The following DACH2 variants were observed in gnomAD, a reference collection of about 807,000 sequenced individuals.
DACH2 encodes the protein dachshund family transcription factor 2.
In DACH2, 17 loss-of-function variants were observed where a neutral mutation model predicts 35.8. The observed-to-expected ratio is 0.48, with a 90% CI of 0.33 to 0.71. The LOEUF is 0.71. DACH2 is among the 30% of genes least tolerant of loss of function. DACH2 has a pLI of 0.02. For missense variants in DACH2, 469 were observed against 472.7 expected (o/e 0.99, Z 0.07); for synonymous variants, 195 against 177.3 (o/e 1.10, Z -0.79).
At chrX:86,492,685 T>C (rs1313391998) in intron 2 of DACH2, among the ~76,000 whole-genome samples, 1 of 111,875 alleles carries the variant, frequency 8.9e-6, no homozygotes, top group Non-Finnish European at 1.9e-5. Flanking sequence ...CTCTCACTTA[T>C]AAGTGAGAAC....
chrX:86,153,681 A>G (rs909521543), intron 1 of DACH2, among the ~76,000 whole-genome samples: 2 of 111,766 alleles, frequency 1.8e-5, no homozygotes, highest in Non-Finnish European at 3.8e-5. Flanking sequence ...ATTGTCTGTT[A>G]AAAGCAGCCA....
chrX:86,782,436 A>G (rs1295176677), intron 7 of DACH2, among the ~76,000 whole-genome samples: 1 of 111,771 alleles, frequency 8.9e-6, no homozygotes, highest in East Asian at 2.8e-4. Flanking sequence ...TAAGTTTGTA[A>G]GAACTTAATT....
intron 3 of DACH2, among the ~76,000 whole-genome samples, chrX:86,541,726 A>G (rs2038884916): frequency 8.9e-6 from 1 of 111,751 alleles, no homozygotes; most frequent in African/African-American, 3.2e-5. Context: ...AATAGTATAC[A>G]TTATCTTATT....
At chrX:86,384,277 C>G in intron 2 of DACH2, among the ~76,000 whole-genome samples, 1 of 111,142 alleles carries the variant, frequency 9.0e-6, no homozygotes, top group Non-Finnish European at 1.9e-5. Context: ...GTGACATTTT[C>G]TAAAATTGTA....
chrX:86,656,581 A>G (rs1468626804), intron 4 of DACH2, among the ~76,000 whole-genome samples: 2 of 109,699 alleles, frequency 1.8e-5, no homozygotes, highest in East Asian at 5.8e-4. Context: ...ATAGAGATGC[A>G]GCTGATAAAG....
intron 1 of DACH2, among the ~76,000 whole-genome samples, chrX:86,308,808 A>G (rs192021671): frequency 8.3e-4 from 93 of 111,583 alleles, no homozygotes; most frequent in African/African-American, 2.9e-3. Context: ...ATTCCAGGCA[A>G]CTCATAATGT....
chrX:86,671,289 C>T (rs1003899775), intron 4 of DACH2, among the ~76,000 whole-genome samples: 33 of 111,927 alleles, frequency 2.9e-4, no homozygotes, highest in Admixed American at 6.6e-4. Flanking sequence ...GATATTGCAA[C>T]GAAAGGTATT....
At chrX:86,402,326 C>T (rs148929404) in intron 2 of DACH2, among the ~76,000 whole-genome samples, 1,458 of 111,789 alleles carry the variant, frequency 0.013, 31 homozygotes, top group African/African-American at 0.045. Flanking sequence ...TGATAAACAA[C>T]TTAAGTGTCA....
chrX:86,231,311 TG>T (rs1251930864), intron 1 of DACH2, among the ~76,000 whole-genome samples: 3 of 112,381 alleles, frequency 2.7e-5, no homozygotes, highest in Non-Finnish European at 3.8e-5. Context: ...GGAGAGGGAC[TG>T]TCAGTGGGCA....
intron 3 of DACH2, among the ~76,000 whole-genome samples, chrX:86,645,292 G>A (rs1046939466): frequency 2.7e-5 from 3 of 111,140 alleles, no homozygotes; most frequent in African/African-American, 9.8e-5. Flanking sequence ...CCTACATGCA[G>A]CGAACAAGCA....
chrX:86,203,870 G>T (rs1419474492), intron 1 of DACH2, among the ~76,000 whole-genome samples: 1 of 111,311 alleles, frequency 9.0e-6, no homozygotes, highest in Non-Finnish European at 1.9e-5. Flanking sequence ...ACAGAAGTAG[G>T]TGTCTACGGG....
At chrX:86,814,885 T>A in intron 10 of DACH2, 51 bp downstream of exon 10, 2 of 1,110,149 alleles carry the variant, frequency 1.8e-6, no homozygotes, top group Non-Finnish European at 2.4e-6. Context: ...GCAAAACTGA[T>A]TGAAGAAAAA....
At chrX:86,478,439 C>A (rs1190174459) in intron 2 of DACH2, among the ~76,000 whole-genome samples, 2 of 110,755 alleles carry the variant, frequency 1.8e-5, no homozygotes, top group African/African-American at 6.6e-5. Flanking sequence ...TCTCTCCTGG[C>A]CTGTAAGATA....
intron 1 of DACH2, among the ~76,000 whole-genome samples, chrX:86,217,272 T>C (rs1340074242): frequency 9.0e-6 from 1 of 111,212 alleles, no homozygotes; most frequent in East Asian, 2.8e-4. Context: ...AGTAAAATGC[T>C]GTATCATCTG....
intron 1 of DACH2, among the ~76,000 whole-genome samples, chrX:86,320,879 G>A (rs977242932): frequency 8.9e-6 from 1 of 112,072 alleles, no homozygotes; most frequent in African/African-American, 3.2e-5. Flanking sequence ...GGCTTTTTGA[G>A]CCTCAGATTC....
intron 1 of DACH2, among the ~76,000 whole-genome samples, chrX:86,249,847 T>C (rs2033363778): frequency 8.9e-6 from 1 of 111,843 alleles, no homozygotes; most frequent in African/African-American, 3.2e-5. Flanking sequence ...ATGATACATA[T>C]ACACCATGGA....
intron 6 of DACH2, among the ~76,000 whole-genome samples, chrX:86,726,362 G>A (rs1325424919): frequency 4.5e-5 from 5 of 111,630 alleles, no homozygotes; most frequent in East Asian, 2.8e-4. Flanking sequence ...ATTGCACCAG[G>A]TGTGGGCCCA....
chrX:86,830,506 C>T (rs945682250), intron 11 of DACH2: 1 of 111,342 alleles, frequency 9.0e-6, no homozygotes, highest in Non-Finnish European at 1.9e-5. Context: ...CCTAATAGGC[C>T]TTGTAAGCAG....
intron 2 of DACH2, among the ~76,000 whole-genome samples, chrX:86,398,242 T>C (rs2036341856): frequency 8.9e-6 from 1 of 112,567 alleles, no homozygotes; most frequent in Non-Finnish European, 1.9e-5. Context: ...ATATCCCCTT[T>C]GTCATTTTTT....
Sources: gnomAD v4.1 joint callset for allele counts (sites outside exome capture counted in the v4.1 genomes callset) on GRCh38, gnomAD v4.1.1 for gene constraint, MANE v1.5 for transcripts, NCBI Gene and HGNC (gene_info 2026-07-23, HGNC 2026-07-21) for gene names.